Variants in ADAMTSL1 observed in about 807,000 individuals in gnomAD.
ADAMTSL1 encodes ADAMTS-like protein 1.
A neutral mutation model predicts 201.8 loss-of-function variants in ADAMTSL1; 126 were observed. That is an observed-to-expected ratio of 0.62 (90% confidence interval 0.54 to 0.72). ADAMTSL1 has a LOEUF of 0.72. Ranked by LOEUF, ADAMTSL1 falls within the 30% of genes least tolerant of loss-of-function variation. The pLI is 0.00. For synonymous variants in ADAMTSL1, 1,121 were observed against 903.4 expected (o/e 1.24, Z -4.32); for missense variants, 2,679 against 2,277.8 (o/e 1.18, Z -3.59).
At chr9:18,000,575 T>G (rs984004263) in intron 1 of ADAMTSL1, among the ~76,000 whole-genome samples, 11 of 152,020 alleles carry the variant, frequency 7.2e-5, no homozygotes, top group African/African-American at 2.7e-4. Context: ...TTCTAGGAAT[T>G]TATAGGTGAC....
At chr9:18,232,985 A>C (rs1416844825) in intron 2 of ADAMTSL1, among the ~76,000 whole-genome samples, 1 of 152,204 alleles carries the variant, frequency 6.6e-6, no homozygotes, top group Non-Finnish European at 1.5e-5. Flanking sequence ...AGTACTTTAG[A>C]GTTCACTAAA....
intron 3 of ADAMTSL1, among the ~76,000 whole-genome samples, chr9:18,548,017 C>T (rs1820579528): frequency 6.6e-6 from 1 of 151,980 alleles, no homozygotes; most frequent in South Asian, 2.1e-4. Context: ...ACAAAATTAA[C>T]GTTCACACCA....
chr9:18,902,932 C>A (rs571851303), intron 26 of ADAMTSL1, among the ~76,000 whole-genome samples: 3 of 152,186 alleles, frequency 2.0e-5, no homozygotes, highest in Admixed American at 1.3e-4. Flanking sequence ...TGGCCAGGCA[C>A]GGTGGCTCAT....
intron 2 of ADAMTSL1, among the ~76,000 whole-genome samples, chr9:18,314,087 A>G (rs558924646): frequency 7.2e-5 from 11 of 152,252 alleles, no homozygotes; most frequent in Non-Finnish European, 1.0e-4. Context: ...AAGATGCTCA[A>G]TGTCTATAAT....
At chr9:18,492,653 C>T (rs11792038) in intron 1 of ADAMTSL1, among the ~76,000 whole-genome samples, 24,493 of 152,094 alleles carry the variant, frequency 0.16, 2,468 homozygotes, top group African/African-American at 0.29. Flanking sequence ...ATGAGTTACA[C>T]AGAGCAAATG....
chr9:18,446,040 A>C (rs979403653), intron 2 of ADAMTSL1, among the ~76,000 whole-genome samples: 1 of 152,158 alleles, frequency 6.6e-6, no homozygotes, highest in Non-Finnish European at 1.5e-5. Context: ...GAAGCGATGG[A>C]CCCAGAGTTT....
Position 18,644,361 on chromosome 9 carries a change from T to A in ADAMTSL1, c.834+4950T>A, listed in dbSNP as rs192636385. ...GAATGGCCACTTGTCAGTATCTCCA[T>A]GGAATTTTATTTTTTTTATTTTTAT... On this transcript the variant is annotated intron_variant, in intron 7 of 28. Coordinates refer to ENST00000380548, the MANE Select transcript of ADAMTSL1 (RefSeq NM_001040272.6). Among the ~76,000 whole-genome samples the A allele has an allele frequency of 9.0e-4, 135 of 149,734 alleles. 6 individuals are homozygous for A. The South Asian group carries it at 0.02, about 22-fold the overall frequency.
chr9:18,173,716 A>C (rs1201436130), intron 2 of ADAMTSL1, among the ~76,000 whole-genome samples: 1 of 152,094 alleles, frequency 6.6e-6, no homozygotes, highest in Non-Finnish European at 1.5e-5. Flanking sequence ...GGCTCAGACA[A>C]CCTCTCAAAT....
At chr9:18,023,735 T>C (rs530741526) in intron 1 of ADAMTSL1, among the ~76,000 whole-genome samples, 4 of 152,278 alleles carry the variant, frequency 2.6e-5, no homozygotes, top group African/African-American at 9.6e-5. Flanking sequence ...TTTCTGTTTC[T>C]TCGTGTAAAA....
At chr9:18,032,582 G>A (rs1307395634) in intron 1 of ADAMTSL1, among the ~76,000 whole-genome samples, 1 of 152,142 alleles carries the variant, frequency 6.6e-6, no homozygotes, top group Non-Finnish European at 1.5e-5. Flanking sequence ...TCTGCTGGCT[G>A]GCAGTCAGCA....
intron 4 of ADAMTSL1, among the ~76,000 whole-genome samples, chr9:18,598,798 C>T (rs762229325): frequency 2.6e-5 from 4 of 151,686 alleles, no homozygotes; most frequent in Non-Finnish European, 4.4e-5. Context: ...TATAAATGCA[C>T]TTGAGTACCA....
At chr9:18,907,147 G>C (rs1398930782) in intron 28 of ADAMTSL1, 3 of 541,528 alleles carry the variant, frequency 5.5e-6, no homozygotes, top group Admixed American at 3.5e-5. Flanking sequence ...GGCCCTGAGA[G>C]AGCCAGGTGC....
intron 4 of ADAMTSL1, among the ~76,000 whole-genome samples, chr9:18,600,677 A>G (rs923277019): frequency 6.6e-6 from 1 of 152,028 alleles, no homozygotes; most frequent in Admixed American, 6.6e-5. Flanking sequence ...TAAGGCATAC[A>G]GCCATTCTCC....
chr9:18,561,747 T>C (rs1174817446), intron 3 of ADAMTSL1, among the ~76,000 whole-genome samples: 4 of 152,236 alleles, frequency 2.6e-5, no homozygotes. Flanking sequence ...TTAGCTCTTC[T>C]TGTTGCATTG....
intron 17 of ADAMTSL1, among the ~76,000 whole-genome samples, 190 bp from the exon 18 acceptor site, chr9:18,775,553 T>C (rs559390242): frequency 1.3e-5 from 2 of 152,242 alleles, no homozygotes; most frequent in African/African-American, 4.8e-5. Context: ...GAGTAGAAAA[T>C]CTTAGAGTGC....
chr9:18,516,730 G>A (rs1401724095), intron 2 of ADAMTSL1, among the ~76,000 whole-genome samples: 1 of 152,186 alleles, frequency 6.6e-6, no homozygotes, highest in Non-Finnish European at 1.5e-5. Context: ...AACAGAACAA[G>A]TGTTCCATAA....
chr9:18,843,537 A>C (rs1179242366), intron 23 of ADAMTSL1, among the ~76,000 whole-genome samples: 1 of 150,456 alleles, frequency 6.6e-6, no homozygotes, highest in Non-Finnish European at 1.5e-5. Flanking sequence ...CTCGAGGAGT[A>C]TCTTTGTGGT....
chr9:18,332,595 C>T (rs962805550), intron 2 of ADAMTSL1, among the ~76,000 whole-genome samples: 6 of 152,152 alleles, frequency 3.9e-5, no homozygotes, highest in Non-Finnish European at 5.9e-5. Context: ...GGACTAAAGG[C>T]GCATGCTACC....
intron 16 of ADAMTSL1, among the ~76,000 whole-genome samples, chr9:18,758,488 G>A (rs928248007): frequency 1.3e-5 from 2 of 152,170 alleles, no homozygotes; most frequent in Non-Finnish European, 2.9e-5. Context: ...GGAACCGCAG[G>A]CCTGCGTGCC....
Sources: gnomAD v4.1 joint callset for allele counts (sites outside exome capture counted in the v4.1 genomes callset) on GRCh38, gnomAD v4.1.1 for gene constraint, MANE v1.5 for transcripts, NCBI Gene and HGNC (gene_info 2026-07-23, HGNC 2026-07-21) for gene names.